Variants in OVCH1 observed in about 807,000 individuals in gnomAD.
The protein encoded by OVCH1 is ovochymase 1.
A neutral mutation model predicts 138.4 loss-of-function variants in OVCH1; 139 were observed. The observed-to-expected ratio is 1.00, with a 90% CI of 0.87 to 1.16. The LOEUF (loss-of-function observed/expected upper bound fraction) is 1.16, where lower values mean the gene tolerates loss of function less well. OVCH1 is among the 50% of genes most tolerant of loss of function. OVCH1 has a pLI of 0.00. For missense variants in OVCH1, 1,367 were observed against 1,357.9 expected (o/e 1.01, Z -0.11); for synonymous variants, 453 against 467.8 (o/e 0.97, Z 0.41).
chr12:29,471,824 T>A (rs1942517679), exon 16 of OVCH1: 2 of 1,611,796 alleles, frequency 1.2e-6, no homozygotes, highest in Non-Finnish European at 1.7e-6. Flanking sequence ...TGGGCTGCGG[T>A]CAGAATCCAC....
At chr12:29,416,434 T>C (rs922746412) in intron 3 of OVCH1, among the ~76,000 whole-genome samples, 2 of 152,140 alleles carry the variant, frequency 1.3e-5, no homozygotes, top group African/African-American at 4.8e-5. Context: ...GTGGCTAGAA[T>C]ATATAAAGAA....
At chr12:29,454,893 T>A (rs1210205151) in exon 21 of OVCH1, 1 of 1,612,940 alleles carries the variant, frequency 6.2e-7, no homozygotes, top group South Asian at 1.1e-5. Context: ...ATTGTTGTTT[T>A]AAGGTTTTGC....
At chr12:29,475,242 AAC>A in intron 13 of OVCH1, 53 bp from the exon 14 acceptor site, 2 of 1,319,128 alleles carry the variant, frequency 1.5e-6, no homozygotes, top group Admixed American at 3.4e-5. Context: ...AAAAAATCAG[AAC>A]ACACAGTAAA....
chr12:29,486,199 C>T, intron 8 of OVCH1, 51 bp downstream of exon 8: 1 of 1,502,762 alleles, frequency 6.7e-7, no homozygotes. Context: ...TTGCTTTCCT[C>T]TGATGACTTT....
intron 22 of OVCH1, among the ~76,000 whole-genome samples, chr12:29,448,968 CA>C (rs1313851901): frequency 1.3e-5 from 2 of 152,066 alleles, no homozygotes; most frequent in Non-Finnish European, 2.9e-5. Context: ...CTCCTTACTG[CA>C]AGCCAAAAAG....
In OVCH1 at chr12:29,464,645, A is replaced by T. The variant is rs565897318; in HGVS notation, c.1987T>A (p.Ser663Thr). Residue 663 changes from serine (S) to threonine (T), a missense_variant, in exon 18 of 28, where the codon TCT becomes ACT. Ser to Thr is a moderately conservative substitution (Grantham distance 58, BLOSUM62 1). Coordinates refer to ENST00000318184, the Ensembl canonical transcript of OVCH1. ...CTTAGTTGTATTAGGGCAATGTCAG[A>T]GTCATAACTTAGTGTGTTAAAGTCT... The T allele has an allele frequency of 1.2e-5, 19 of 1,613,558 alleles. No individual in the cohort carries two copies. The East Asian group carries it at 4.0e-4, about 34-fold the overall frequency.
chr12:29,496,161 A>G lies in OVCH1; in HGVS notation c.281+20T>C. The G allele has an allele frequency of 6.4e-7, 1 of 1,574,550 alleles. No homozygotes were observed. Among genetic ancestry groups the G allele is most frequent in the Admixed American group, 1.8e-5 (1 of 57,068 alleles). On this transcript the variant is annotated intron_variant, in intron 3 of 27. Transcript: ENST00000318184. ...AGCCAGGAATCAAGGCCTGACAAGT[A>G]ATGGAAATCCACAACTTACTCACTG...
chr12:29,435,454 CCTT>C (rs1941340932), intron 26 of OVCH1, among the ~76,000 whole-genome samples: 1 of 152,146 alleles, frequency 6.6e-6, no homozygotes, highest in Non-Finnish European at 1.5e-5. Context: ...ACAAGCTCCT[CCTT>C]CTGGGTTCAC....
intron 21 of OVCH1, among the ~76,000 whole-genome samples, chr12:29,453,853 C>T: frequency 6.6e-6 from 1 of 152,020 alleles, no homozygotes; most frequent in South Asian, 2.1e-4. Flanking sequence ...GGGCATTTTG[C>T]TCTCTCAATT....
At chr12:29,495,490 T>C in intron 3 of OVCH1, 33 bp from the exon 4 acceptor site, 1 of 1,585,016 alleles carries the variant, frequency 6.3e-7, no homozygotes, top group Non-Finnish European at 8.6e-7. Context: ...CATAAGTAGT[T>C]GTTTCCCCTA....
At position 29,465,143 on chromosome 12, in the gene OVCH1, T is replaced by A; in HGVS notation, c.1929+4A>T. 1.3e-6 allele frequency: 2 copies of A among 1,595,122 alleles called. No individual in the cohort carries two copies. Among genetic ancestry groups the A allele is most frequent in the Non-Finnish European group, 1.7e-6 (2 of 1,169,684 alleles). ...CAGAATGACCTGTAAAAACATTTTTTCACCTGCTCTGTTGATTCCTTCAGG... is the reference window on the plus strand; with the variant it reads ...CAGAATGACCTGTAAAAACATTTTTACACCTGCTCTGTTGATTCCTTCAGG... On this transcript the variant is annotated splice_donor_region_variant and intron_variant, in intron 17 of 27. Transcript: ENST00000318184.
intron 15 of OVCH1, 107 bp from the exon 16 acceptor site, chr12:29,472,089 G>A: frequency 8.6e-7 from 1 of 1,156,930 alleles, no homozygotes; most frequent in Non-Finnish European, 1.2e-6. Flanking sequence ...CATCAGATAG[G>A]CTTTATAATA....
chr12:29,406,298 TTTTATTTA>T, the OVCH1 span, among the ~76,000 whole-genome samples: 1 of 152,100 alleles, frequency 6.6e-6, no homozygotes, highest in Non-Finnish European at 1.5e-5. Context: ...GTCACCTTTA[TTTTATTTA>T]TTTATTTATT....
At position 29,486,944 on chromosome 12, in the gene OVCH1, G is replaced by C. The variant is rs72640147; in HGVS notation, c.893-596C>G. Reference sequence around the variant, plus strand: ...AGAACTGCTCCCCTGCAGTGGAGCAGTGAAGAGGCCTTTTACATCTAAGAC... The same window carrying C: ...AGAACTGCTCCCCTGCAGTGGAGCACTGAAGAGGCCTTTTACATCTAAGAC... On this transcript the variant is annotated intron_variant, in intron 7 of 27. Transcript: ENST00000318184. 7,432 of 455,748 alleles carry C rather than the reference G, an allele frequency of 0.016. 426 individuals are homozygous for C. The East Asian group carries it at 0.19, about 12-fold the overall frequency. 28.2% of individuals were successfully genotyped at this position (455,748 alleles called of 1,614,324 possible).
intron 16 of OVCH1, among the ~76,000 whole-genome samples, chr12:29,469,161 A>G (rs1942418994): frequency 6.6e-6 from 1 of 152,204 alleles, no homozygotes; most frequent in South Asian, 2.1e-4. Flanking sequence ...GGAAAAATGT[A>G]ACTTTACATT....
chr12:29,497,645 G>A (rs766575511), exon 1 of OVCH1: 20 of 1,613,854 alleles, frequency 1.2e-5, no homozygotes, highest in Admixed American at 1.7e-5. Context: ...GGTGGCCGAT[G>A]ACCAGCAACA....
At chr12:29,481,066 G>A (rs1009542208) in intron 8 of OVCH1, among the ~76,000 whole-genome samples, 5 of 151,750 alleles carry the variant, frequency 3.3e-5, no homozygotes, top group Non-Finnish European at 5.9e-5. Flanking sequence ...TCACAGTGCC[G>A]AATTTTCTGC....
intron 14 of OVCH1, among the ~76,000 whole-genome samples, chr12:29,474,074 T>TACACATACACAC (rs1555150617): frequency 6.9e-5 from 10 of 145,192 alleles, no homozygotes; most frequent in African/African-American, 2.5e-4. Flanking sequence ...CACACACACA[T>TACACATACACAC]ACACACACAC....
rs565215776 is a variant in OVCH1, at chr12:29,464,562, C to A, written c.2070G>T (p.Glu690Asp). ...CACAGATCTCCGAGGAAAATAGAGGCTCTGCGCTGTGTGGGAGACATACTG... is the reference window on the plus strand; with the variant it reads ...CACAGATCTCCGAGGAAAATAGAGGATCTGCGCTGTGTGGGAGACATACTG... The change falls in exon 18 of 28, where the codon GAG becomes GAT. Residue 690 changes from glutamate (E) to aspartate (D), a missense_variant. By Grantham distance (45) the Glu-to-Asp change is conservative. Coordinates refer to ENST00000318184, the Ensembl canonical transcript of OVCH1. 11 of 1,613,590 alleles carry A rather than the reference C, an allele frequency of 6.8e-6. No individual in the cohort carries two copies. The East Asian group carries it at 2.2e-4, about 33-fold the overall frequency.
Sources: allele counts gnomAD v4.1 joint callset (sites outside exome capture counted in the v4.1 genomes callset), GRCh38; gene constraint gnomAD v4.1.1; transcripts MANE v1.5; gene names NCBI Gene and HGNC (gene_info 2026-07-23, HGNC 2026-07-21).